The following CATSPERD variants were observed in gnomAD, a reference collection of about 807,000 sequenced individuals.
CATSPERD encodes catsper channel auxiliary subunit delta.
CATSPERD carries 86 observed loss-of-function variants against 98.1 expected under a neutral mutation model. The observed-to-expected ratio is 0.88, with a 90% CI of 0.74 to 1.05. The LOEUF is 1.05. Among genes scored for constraint, CATSPERD ranks in the 50% least tolerant of loss-of-function variants. The probability of loss-of-function intolerance (pLI) is 0.00; values close to 1 mark genes in which losing one functional copy is unlikely to be tolerated. For synonymous variants in CATSPERD, 394 were observed against 390.2 expected, an observed-to-expected ratio of 1.01 and a Z score of -0.12; for missense variants, 995 against 1,005.7, an observed-to-expected ratio of 0.99 and a Z score of 0.14.
At chr19:5,726,851 A>C (rs183033596) in intron 2 of CATSPERD, among the ~76,000 whole-genome samples, 17 of 152,234 alleles carry the variant, frequency 1.1e-4, no homozygotes, top group African/African-American at 4.1e-4. Context: ...GGTACATTCC[A>C]CCTACCTAAT....
chr19:5,729,034 A>G (rs1042419059), intron 3 of CATSPERD, among the ~76,000 whole-genome samples: 1 of 151,534 alleles, frequency 6.6e-6, no homozygotes, highest in African/African-American at 2.4e-5. Context: ...TTTAAAGGCT[A>G]TTATGAGAAA....
Position 5,734,047 on chromosome 19 carries a change from T to A in CATSPERD, c.391+77T>A. 3 of 815,382 alleles carry A rather than the reference T, an allele frequency of 3.7e-6. No homozygotes were observed. The South Asian group carries it at 5.0e-5, about 14-fold the overall frequency. 50.5% of individuals were successfully genotyped at this position (815,382 alleles called of 1,614,324 possible). ...GAAGAGGGTATTAGTGTTGGAAGTA[T>A]AAGCGATGCTCCTACTTGGATGTCA... On this transcript the variant is annotated intron_variant, in intron 5 of 21. Coordinates refer to ENST00000381624, the MANE Select transcript of CATSPERD (RefSeq NM_152784.4).
At chr19:5,766,046 T>C in intron 16 of CATSPERD, 57 bp from the exon 17 acceptor site, 1 of 1,391,026 alleles carries the variant, frequency 7.2e-7, no homozygotes, top group Non-Finnish European at 1.0e-6. Flanking sequence ...TAGGGTTCAC[T>C]GTGTCCGGGT....
intron 2 of CATSPERD, 59 bp from the exon 3 acceptor site, chr19:5,727,209 A>G: frequency 1.5e-6 from 2 of 1,347,460 alleles, no homozygotes; most frequent in Non-Finnish European, 1.1e-6. Context: ...AAAAAAAATT[A>G]TTTCTATCAG....
In CATSPERD at chr19:5,778,362, T is replaced by TC. The variant is rs751387536; in HGVS notation, c.2097-8dup. 4 of 1,588,560 alleles carry TC rather than the reference T, an allele frequency of 2.5e-6. No homozygotes were observed. The Admixed American group carries it at 6.8e-5, about 27-fold the overall frequency. The stretch of plus-strand genomic sequence containing the variant: ...CAATGCCCAACAGCCTCTCCCCGCC[T>TC]CCCCCCACCGCAGCTACTGTCAACT... On this transcript the variant is annotated splice_polypyrimidine_tract_variant and intron_variant, in intron 21 of 21. Transcript: ENST00000381624.
chr19:5,758,033 T>C lies in CATSPERD; in HGVS notation c.1368+101T>C. The C allele has an allele frequency of 7.1e-6, 7 of 989,128 alleles. No individual in the cohort carries two copies. The East Asian group carries it at 1.1e-4, about 16-fold the overall frequency. 61.3% of individuals were successfully genotyped at this position (989,128 alleles called of 1,614,324 possible). A position where few individuals can be genotyped will look rare whatever the true frequency, so the allele number is the denominator to read the frequency against. On this transcript the variant is annotated intron_variant, in intron 14 of 21. Transcript: ENST00000381624. ...AAAATTTAGGAGTTTCCAGGGTACATAGCCCGTGGCCGTGCCCCGCGGTGG... is the reference window on the plus strand; with the variant it reads ...AAAATTTAGGAGTTTCCAGGGTACACAGCCCGTGGCCGTGCCCCGCGGTGG...
At chr19:5,764,164 G>C (rs2056496068) in intron 16 of CATSPERD, among the ~76,000 whole-genome samples, 1 of 149,252 alleles carries the variant, frequency 6.7e-6, no homozygotes, top group Non-Finnish European at 1.5e-5. Context: ...TTGAACTCCT[G>C]GTCTTGTGAT....
At position 5,732,623 on chromosome 19, in the gene CATSPERD, G is replaced by A. The variant is rs535552651; in HGVS notation, c.277-1233G>A. ...AATTTTTTGTATTTTTAGTAGAGAC[G>A]GGGTTTCACCATGTCAGCCAGGATG... On this transcript the variant is annotated intron_variant, in intron 4 of 21. Coordinates refer to ENST00000381624, the MANE Select transcript of CATSPERD (RefSeq NM_152784.4). Among the ~76,000 whole-genome samples, 18 of 151,730 alleles carry A rather than the reference G, an allele frequency of 1.2e-4. No homozygotes were observed. The East Asian group carries it at 2.3e-3, about 20-fold the overall frequency.
chr19:5,755,863 G>A (rs1404998858), intron 13 of CATSPERD, among the ~76,000 whole-genome samples: 2 of 151,788 alleles, frequency 1.3e-5, no homozygotes, highest in Admixed American at 6.6e-5. Context: ...CCAGCTACTT[G>A]GGGCTAAGGC....
intron 21 of CATSPERD, among the ~76,000 whole-genome samples, chr19:5,777,824 G>A (rs1467781194): frequency 2.6e-5 from 4 of 152,052 alleles, no homozygotes; most frequent in Admixed American, 1.3e-4. Context: ...GTAGTGGGCC[G>A]AGATTGCACC....
intron 12 of CATSPERD, 85 bp from the exon 13 acceptor site, chr19:5,754,047 G>A (rs1409983781): frequency 5.8e-6 from 5 of 861,186 alleles, no homozygotes; most frequent in Non-Finnish European, 9.8e-6. Context: ...AGGACCAGGA[G>A]GGTCCCTTCC....
At chr19:5,775,262 T>C (rs2056719652) in intron 20 of CATSPERD, 1 of 471,404 alleles carries the variant, frequency 2.1e-6, no homozygotes, top group Non-Finnish European at 4.4e-6. Context: ...AGAAGAGGCA[T>C]GGGGAAGAAG....
intron 15 of CATSPERD, 30 bp downstream of exon 15, chr19:5,759,174 TG>T (rs776740483): frequency 6.2e-7 from 1 of 1,605,762 alleles, no homozygotes; most frequent in East Asian, 2.2e-5. Flanking sequence ...AGGCGGGGAC[TG>T]GGCTGCCTAC....
At chr19:5,765,420 TC>T (rs1360887920) in intron 16 of CATSPERD, among the ~76,000 whole-genome samples, 1 of 26,224 alleles carries the variant, frequency 3.8e-5, no homozygotes, top group East Asian at 7.3e-4. Flanking sequence ...ATTCATTCAT[TC>T]ATTCATTCAT....
intron 11 of CATSPERD, among the ~76,000 whole-genome samples, chr19:5,751,291 G>T (rs1254075175): frequency 6.8e-6 from 1 of 146,094 alleles, no homozygotes; most frequent in African/African-American, 2.5e-5. Context: ...TTCAGAGGCC[G>T]AGGCGGGCGG....
chr19:5,776,404 T>G, intron 21 of CATSPERD, 89 bp downstream of exon 21: 1 of 1,451,624 alleles, frequency 6.9e-7, no homozygotes, highest in South Asian at 1.3e-5. Flanking sequence ...AGGTCCTGGC[T>G]AAACCTGAAT....
In CATSPERD at chr19:5,768,178, G is replaced by A. The variant is rs777262174; in HGVS notation, c.1570G>A (p.Ala524Thr). ...KKIVIQNKVS[A>T]CSMGILDPLT... Reference sequence around the variant, plus strand: ...CACTTTTGCTTGCAGCAAAGTTTCCGCCTGTTCCATGGGCATCCTGGACCC... The same window carrying A: ...CACTTTTGCTTGCAGCAAAGTTTCCACCTGTTCCATGGGCATCCTGGACCC... The change falls in exon 18 of 22, where the codon GCC becomes ACC. Residue 524 changes from alanine to threonine, a missense_variant. Physicochemically the swap from Ala to Thr is moderately conservative, Grantham distance 58 (BLOSUM62 0). Around this residue, in one of 3 missense-constraint regions of CATSPERD, gnomAD observed 762 missense variants for 773.7 expected, o/e 0.98. Coordinates refer to ENST00000381624, the MANE Select transcript of CATSPERD (RefSeq NM_152784.4). 1.1e-5 allele frequency: 17 copies of A among 1,613,224 alleles called. No individual in the cohort carries two copies. Among genetic ancestry groups the A allele is most frequent in the Middle Eastern group, 1.6e-4 (1 of 6,082 alleles).
chr19:5,736,652 GGCAGTGA>G (rs2055851995), intron 5 of CATSPERD, among the ~76,000 whole-genome samples: 1 of 151,552 alleles, frequency 6.6e-6, no homozygotes, highest in Non-Finnish European at 1.5e-5. Context: ...AGGTGGAGGT[GGCAGTGA>G]GCCACCACTG....
chr19:5,734,769 C>T (rs1314358430), intron 5 of CATSPERD, among the ~76,000 whole-genome samples: 1 of 151,326 alleles, frequency 6.6e-6, no homozygotes, highest in Non-Finnish European at 1.5e-5. Flanking sequence ...GCCACTGCAC[C>T]CCAGCCTGGA....
Sources: allele counts gnomAD v4.1 joint callset (sites outside exome capture counted in the v4.1 genomes callset), GRCh38; gene constraint gnomAD v4.1.1; regional missense constraint gnomAD v4.1.1; transcripts MANE v1.5; gene names NCBI Gene and HGNC (gene_info 2026-07-23, HGNC 2026-07-21).